ZNF682: variants seen among roughly 807,000 people sequenced by gnomAD.
The protein encoded by ZNF682 is zinc finger protein 682.
Under a neutral mutation model 36.5 loss-of-function variants are expected in ZNF682, and 29 were observed. The observed-to-expected ratio is 0.80, with a 90% CI of 0.59 to 1.08. The LOEUF is 1.08. Ranked by LOEUF, ZNF682 falls within the 50% of genes least tolerant of loss-of-function variation. The probability of loss-of-function intolerance (pLI) is 0.00; values close to 1 mark genes in which losing one functional copy is unlikely to be tolerated. For missense variants in ZNF682, 561 were observed against 579.7 expected (o/e 0.97, Z 0.33); for synonymous variants, 180 against 197.0 (o/e 0.91, Z 0.72).
intron 3 of ZNF682, among the ~76,000 whole-genome samples, chr19:19,997,895 C>T (rs1037481598): frequency 2.6e-5 from 4 of 152,144 alleles, no homozygotes; most frequent in Admixed American, 1.3e-4. Flanking sequence ...GTTTTTGGTG[C>T]CCACTGAGCT....
intron 3 of ZNF682, among the ~76,000 whole-genome samples, chr19:20,020,511 T>A (rs943397529): frequency 1.3e-5 from 2 of 151,910 alleles, no homozygotes; most frequent in African/African-American, 4.8e-5. Context: ...ATAAATAAAT[T>A]AATTAAATTA....
At chr19:20,011,029 A>C (rs921826349) in intron 3 of ZNF682, among the ~76,000 whole-genome samples, 3 of 152,102 alleles carry the variant, frequency 2.0e-5, no homozygotes, top group African/African-American at 4.8e-5. Context: ...TTTAAAAAAA[A>C]CCAAGACTTA....
intron 1 of ZNF682, among the ~76,000 whole-genome samples, chr19:20,037,264 G>A (rs2088539293): frequency 1.3e-5 from 2 of 152,116 alleles, no homozygotes; most frequent in African/African-American, 4.8e-5. Context: ...AGAAGCCATG[G>A]GTGGGACAGT....
chr19:20,017,737 A>G (rs763270624), intron 3 of ZNF682, among the ~76,000 whole-genome samples: 17 of 152,222 alleles, frequency 1.1e-4, no homozygotes, highest in Non-Finnish European at 2.1e-4. Context: ...CGTTCCAGTT[A>G]AAAGCAGCAG....
rs369425711 is a variant in ZNF682 at position 20,012,586 on chromosome 19, T to G, written c.227-5311A>C. Among the ~76,000 whole-genome samples, 5 of 152,028 alleles carry G rather than the reference T, an allele frequency of 3.3e-5. 1 individual carries two copies. The South Asian group carries it at 6.2e-4, about 19-fold the overall frequency. ...ATCAAGACCATCCTGGCTAACACGG[T>G]GAAACCCCGTTTCTACTAAAAAATA... On this transcript the variant is annotated intron_variant, in intron 3 of 3. Transcript: ENST00000397165.
Position 20,006,108 on chromosome 19 carries a change from C to T in ZNF682, c.1394G>A (p.Cys465Tyr). Reference sequence around the variant, plus strand: ...TCTCTTATGTTCATTAAGATGTGAGCACCGTTTAAAAGCTTTGCCACATTC... The same window carrying T: ...TCTCTTATGTTCATTAAGATGTGAGTACCGTTTAAAAGCTTTGCCACATTC... ...CEECGKAFKR[C>Y]SHLNEHKRVQ... The change falls in exon 4 of 4, where the codon TGC becomes TAC. Residue 465 changes from cysteine (C) to tyrosine (Y), a missense_variant. Cys to Tyr is a radical substitution (Grantham distance 194, BLOSUM62 -2). Transcript: ENST00000397165. 1 of 1,613,966 alleles carries T rather than the reference C, an allele frequency of 6.2e-7. No individual in the cohort carries two copies. The highest frequency in any genetic ancestry group is 2.2e-5 in the East Asian group (1 of 44,846).
rs756843799 is a variant in ZNF682, at chr19:20,007,053, C to A, written c.449G>T (p.Cys150Phe). ...TGATGATTTACTAAAGACTTTCACA[C>A]ATTTATTATATGGGAAAATTTTGCT... ...LPSKIFPYNKCVKVFSKSSNL... is the reference protein window; with the variant it reads ...LPSKIFPYNKFVKVFSKSSNL... Residue 150 changes from cysteine to phenylalanine, a missense_variant, in exon 4 of 4, where the codon TGT becomes TTT. Physicochemically the swap from Cys to Phe is radical, Grantham distance 205 (BLOSUM62 -2). Transcript: ENST00000397165. The A allele has an allele frequency of 6.2e-7, 1 of 1,613,502 alleles. No homozygotes were observed. The highest frequency in any genetic ancestry group is 1.3e-5 in the African/African-American group (1 of 75,004).
At chr19:20,020,434 T>C (rs866602276) in intron 3 of ZNF682, among the ~76,000 whole-genome samples, 21 of 152,136 alleles carry the variant, frequency 1.4e-4, no homozygotes, top group African/African-American at 4.6e-4. Flanking sequence ...GAGGCGGAGG[T>C]TGCAATGAAC....
chr19:19,996,328 A>C (rs80327780), downstream of ZNF682, among the ~76,000 whole-genome samples: 9,630 of 152,332 alleles, frequency 0.063, 509 homozygotes, highest in East Asian at 0.2. Context: ...AATCTCAGTA[A>C]TGGCTATCTC....
chr19:20,002,991 C>A (rs943978079), downstream of ZNF682, among the ~76,000 whole-genome samples: 54 of 151,444 alleles, frequency 3.6e-4, 1 homozygote, highest in African/African-American at 1.1e-3. Flanking sequence ...GAAATGGAGA[C>A]CATCCTGGCT....
At chr19:20,007,442 A>G in intron 3 of ZNF682, 167 bp from the exon 4 acceptor site, 1 of 613,370 alleles carries the variant, frequency 1.6e-6, no homozygotes, top group East Asian at 2.8e-5. Context: ...GTAAAACATC[A>G]TACTTTAAAC....
intron 1 of ZNF682, among the ~76,000 whole-genome samples, chr19:20,028,131 C>T (rs571339900): frequency 6.6e-6 from 1 of 152,294 alleles, no homozygotes; most frequent in African/African-American, 2.4e-5. Flanking sequence ...CTGACAATCA[C>T]TTAGCTAAGA....
At position 20,006,917 on chromosome 19, in the gene ZNF682, GT is replaced by G; in HGVS notation, c.584del (p.His195ProfsTer167). ...HSGLSYHKII[H>X]TEEKLCICEE... The stretch of plus-strand genomic sequence containing the variant: ...CACATATGCAGAGTTTCTCTTCAGT[GT>G]GAATTATCTTATGATAAGAAAGGCC... On this transcript the variant is annotated frameshift_variant, in exon 4 of 4. Coordinates refer to ENST00000397165, the MANE Select transcript of ZNF682 (RefSeq NM_033196.3). LOFTEE classifies it high-confidence loss of function. 1 of 1,613,934 alleles carries G rather than the reference GT, an allele frequency of 6.2e-7. No individual in the cohort carries two copies. The highest frequency in any genetic ancestry group is 8.5e-7 in the Non-Finnish European group (1 of 1,179,886).
intron 1 of ZNF682, among the ~76,000 whole-genome samples, chr19:20,030,493 A>G (rs2088470515): frequency 6.6e-6 from 1 of 152,046 alleles, no homozygotes; most frequent in South Asian, 2.1e-4. Context: ...AATCACTAGA[A>G]CCCGGTAGGC....
chr19:20,032,530 C>T (rs2088488162), intron 1 of ZNF682, among the ~76,000 whole-genome samples: 1 of 152,116 alleles, frequency 6.6e-6, no homozygotes, highest in South Asian at 2.1e-4. Flanking sequence ...TGACTTGAAG[C>T]CCAAGAGGGA....
At chr19:20,017,823 T>A (rs2088347787) in intron 3 of ZNF682, among the ~76,000 whole-genome samples, 1 of 152,112 alleles carries the variant, frequency 6.6e-6, no homozygotes. Context: ...TTAAGGAGAC[T>A]GAAATCATAC....
At chr19:20,001,877 C>T (rs1382274396), downstream of ZNF682, among the ~76,000 whole-genome samples, 1 of 152,136 alleles carries the variant, frequency 6.6e-6, no homozygotes, top group Non-Finnish European at 1.5e-5. Context: ...ACCCTGTGTC[C>T]AAATACATTC....
chr19:20,007,320 C>A, intron 3 of ZNF682, 45 bp from the exon 4 acceptor site: 1 of 1,489,760 alleles, frequency 6.7e-7, no homozygotes, highest in Non-Finnish European at 9.0e-7. Flanking sequence ...TATTTTCAGA[C>A]TCAGATACAT....
At chr19:19,997,397 G>T in intron 3 of ZNF682, 1 of 396,098 alleles carries the variant, frequency 2.5e-6, no homozygotes, top group South Asian at 1.4e-4. Context: ...ATAAGTGTCT[G>T]CTGGCCTTTG....
Sources: gnomAD v4.1 joint callset for allele counts (sites outside exome capture counted in the v4.1 genomes callset) on GRCh38, gnomAD v4.1.1 for gene constraint, MANE v1.5 for transcripts, NCBI Gene and HGNC (gene_info 2026-07-23, HGNC 2026-07-21) for gene names.